The following STK3 variants were observed in gnomAD, a reference collection of about 807,000 sequenced individuals.
The protein encoded by STK3 is serine/threonine-protein kinase 3.
A neutral mutation model predicts 58.0 loss-of-function variants in STK3; 41 were observed. The observed-to-expected ratio is 0.71, with a 90% CI of 0.55 to 0.92. The LOEUF is 0.92. Among genes scored for constraint, STK3 ranks in the 40% least tolerant of loss-of-function variants. STK3 has a pLI of 0.00. For missense variants in STK3, 479 were observed against 602.7 expected (o/e 0.79, Z 2.15); for synonymous variants, 170 against 191.0 (o/e 0.89, Z 0.91).
chr8:98,805,498 C>A (rs1186065048), intron 1 of STK3, among the ~76,000 whole-genome samples: 2 of 152,050 alleles, frequency 1.3e-5, no homozygotes, highest in African/African-American at 4.8e-5. Flanking sequence ...TTGCTTGAAC[C>A]CAGGAGGCAG....
chr8:98,558,787 A>T (rs1811791061), intron 8 of STK3, among the ~76,000 whole-genome samples: 1 of 152,012 alleles, frequency 6.6e-6, no homozygotes, highest in East Asian at 1.9e-4. Flanking sequence ...TTGGTAGTAA[A>T]CAGAAATTTT....
intron 10 of STK3, among the ~76,000 whole-genome samples, chr8:98,510,805 AAC>A (rs1824456137): frequency 1.3e-5 from 2 of 152,122 alleles, no homozygotes; most frequent in Non-Finnish European, 2.9e-5. Flanking sequence ...CTTAAAGCCT[AAC>A]GGTGACATAA....
intron 4 of STK3, among the ~76,000 whole-genome samples, chr8:98,712,426 A>C (rs904199240): frequency 4.3e-4 from 65 of 152,106 alleles, no homozygotes; most frequent in African/African-American, 1.4e-3. Context: ...TCAAAATAAA[A>C]GGATGGAGGA....
chr8:98,795,095 AAAAAAAAAATATAT>A (rs1471669800), intron 1 of STK3, among the ~76,000 whole-genome samples: 22 of 65,890 alleles, frequency 3.3e-4, no homozygotes, highest in Middle Eastern at 5.5e-3. Flanking sequence ...AAAAAAAAAA[AAAAAAAAAATATAT>A]ATATATATAT....
intron 3 of STK3, among the ~76,000 whole-genome samples, chr8:98,870,689 G>A (rs913176155): frequency 6.6e-6 from 1 of 152,124 alleles, no homozygotes; most frequent in Non-Finnish European, 1.5e-5. Context: ...TGTTGGGGTT[G>A]TTTGATTTTT....
In STK3 at chr8:98,592,045, T is replaced by A. The variant is rs192052298; in HGVS notation, c.822+3987A>T. ...TTTTTAAACTCAGGTCCTTAACAATTCACACCTGTATTATTACAGTGCCTC... is the reference window on the plus strand; with the variant it reads ...TTTTTAAACTCAGGTCCTTAACAATACACACCTGTATTATTACAGTGCCTC... On this transcript the variant is annotated intron_variant, in intron 7 of 10. Coordinates refer to ENST00000419617, the MANE Select transcript of STK3 (RefSeq NM_006281.4). Among the ~76,000 whole-genome samples the A allele has an allele frequency of 8.4e-4, 128 of 152,334 alleles. 1 individual carries two copies. The highest frequency in any genetic ancestry group is 1.0e-4 in the Non-Finnish European group (7 of 68,016).
At chr8:98,404,263 G>A (rs1374770705) in intron 3 of STK3, among the ~76,000 whole-genome samples, 1 of 152,194 alleles carries the variant, frequency 6.6e-6, no homozygotes, top group East Asian at 1.9e-4. Flanking sequence ...TGGGGCAGGT[G>A]CAGTGGTTCA....
chr8:98,546,572 T>C (rs941663474), intron 9 of STK3, among the ~76,000 whole-genome samples: 9 of 152,172 alleles, frequency 5.9e-5, no homozygotes. Flanking sequence ...TACATGTTGA[T>C]GAAAAATGTG....
chr8:98,610,662 G>A (rs921352723), intron 6 of STK3, among the ~76,000 whole-genome samples: 2 of 152,138 alleles, frequency 1.3e-5, no homozygotes, highest in Non-Finnish European at 2.9e-5. Flanking sequence ...CATAGGCTCA[G>A]GACCATTTAA....
intron 8 of STK3, among the ~76,000 whole-genome samples, chr8:98,550,125 A>C (rs1811044155): frequency 6.6e-6 from 1 of 151,212 alleles, no homozygotes; most frequent in Non-Finnish European, 1.5e-5. Flanking sequence ...GTTCTGGCAG[A>C]GGTCAAAATG....
intron 4 of STK3, among the ~76,000 whole-genome samples, chr8:98,734,902 A>G (rs571029625): frequency 1.3e-5 from 2 of 152,184 alleles, no homozygotes; most frequent in South Asian, 4.2e-4. Context: ...CAGAAGGCCT[A>G]TGGTTAAAAT....
chr8:98,563,617 C>T (rs1812239618), intron 8 of STK3, among the ~76,000 whole-genome samples: 1 of 151,868 alleles, frequency 6.6e-6, no homozygotes. Context: ...AGTACTGGAA[C>T]AGGAAATATA....
intron 1 of STK3, among the ~76,000 whole-genome samples, chr8:98,783,479 A>G (rs1234460073): frequency 2.0e-5 from 3 of 152,240 alleles, no homozygotes; most frequent in Non-Finnish European, 4.4e-5. Context: ...TGATCATCTG[A>G]GCCTACAACG....
downstream of STK3, among the ~76,000 whole-genome samples, chr8:98,400,165 C>T (rs561030906): frequency 1.3e-5 from 2 of 152,176 alleles, no homozygotes; most frequent in Non-Finnish European, 2.9e-5. Context: ...GAGTCAGTGA[C>T]AAGCCAGAGC....
chr8:98,720,932 G>T, intron 4 of STK3: 1 of 207,046 alleles, frequency 4.8e-6, no homozygotes, highest in Non-Finnish European at 8.4e-6. Context: ...GCCATAAATA[G>T]GCAGTAAAAA....
intron 9 of STK3, among the ~76,000 whole-genome samples, chr8:98,531,192 C>G (rs1189457854): frequency 6.6e-6 from 1 of 152,190 alleles, no homozygotes; most frequent in East Asian, 1.9e-4. Context: ...CCAGATCCAT[C>G]AAAGCAATCA....
intron 3 of STK3, among the ~76,000 whole-genome samples, chr8:98,433,524 T>G (rs751170559): frequency 6.6e-6 from 1 of 152,182 alleles, no homozygotes; most frequent in Non-Finnish European, 1.5e-5. Flanking sequence ...CCTCCAGCTC[T>G]GTGATTGTAG....
the STK3 span, among the ~76,000 whole-genome samples, chr8:98,352,175 CA>C: frequency 3.4e-5 from 5 of 147,390 alleles, no homozygotes; most frequent in African/African-American, 1.3e-4. Flanking sequence ...GGAGTTCTGA[CA>C]AAAGGCCTCA....
chr8:98,928,007 T>C (rs1156753296), intron 1 of STK3, among the ~76,000 whole-genome samples: 1 of 152,228 alleles, frequency 6.6e-6, no homozygotes, highest in African/African-American at 2.4e-5. Flanking sequence ...TTTTTGTCAC[T>C]TGCAAACAAG....
Sources: allele counts gnomAD v4.1 joint callset (sites outside exome capture counted in the v4.1 genomes callset), GRCh38; gene constraint gnomAD v4.1.1; transcripts MANE v1.5; gene names NCBI Gene and HGNC (gene_info 2026-07-23, HGNC 2026-07-21).